Variants in LYRM4 observed in about 807,000 individuals in gnomAD.
LYRM4 encodes LYR motif containing 4.
Under a neutral mutation model 11.7 loss-of-function variants are expected in LYRM4, and 9 were observed. The observed-to-expected ratio is 0.77, with a 90% CI of 0.46 to 1.34. The LOEUF is 1.34. Among genes scored for constraint, LYRM4 ranks in the 40% most tolerant of loss-of-function variants. LYRM4 has a pLI of 0.00. For synonymous variants in LYRM4, 42 were observed against 40.4 expected, an observed-to-expected ratio of 1.04 and a Z score of -0.15; for missense variants, 133 against 112.5, an observed-to-expected ratio of 1.18 and a Z score of -0.82.
chr6:5,041,176 G>T, the LYRM4 span, among the ~76,000 whole-genome samples: 1 of 150,982 alleles, frequency 6.6e-6, no homozygotes, highest in Non-Finnish European at 1.5e-5. Context: ...AAAAAAAAAA[G>T]TTACACCTAG....
intron 2 of LYRM4, among the ~76,000 whole-genome samples, chr6:5,179,065 C>CAAAAAAAAAACAAAAAAAA (rs1759906477): frequency 1.9e-5 from 2 of 103,900 alleles, no homozygotes; most frequent in African/African-American, 8.0e-5. Context: ...ACCAAAAAAA[C>CAAAAAAAAAACAAAAAAAA]AAAAAAAAAA....
At chr6:5,254,035 T>C (rs1469839838) in intron 1 of LYRM4, among the ~76,000 whole-genome samples, 2 of 152,164 alleles carry the variant, frequency 1.3e-5, no homozygotes, top group Admixed American at 6.5e-5. Context: ...TCATGCTCAC[T>C]GTTTGGTTGT....
At chr6:5,105,069 A>G (rs1482314157), downstream of LYRM4, 1 of 152,160 alleles carries the variant, frequency 6.6e-6, no homozygotes, top group East Asian at 1.9e-4. Context: ...TGGCCCTGAG[A>G]AAGTAATACA....
At chr6:5,137,537 C>T (rs460416) in intron 2 of LYRM4, among the ~76,000 whole-genome samples, 112,926 of 152,098 alleles carry the variant, frequency 0.74, 42,356 homozygotes, top group East Asian at 0.93. Flanking sequence ...AATCTCACTG[C>T]ATTGATACTG....
intron 2 of LYRM4, among the ~76,000 whole-genome samples, chr6:5,119,725 G>A (rs1052048981): frequency 2.1e-5 from 3 of 141,562 alleles, no homozygotes; most frequent in East Asian, 4.6e-4. Flanking sequence ...GGAGGCAGAG[G>A]TTGCAGTGAG....
intron 2 of LYRM4, among the ~76,000 whole-genome samples, chr6:5,121,357 C>T (rs542088355): frequency 2.0e-5 from 3 of 152,080 alleles, no homozygotes; most frequent in Admixed American, 2.0e-4. Context: ...GGGTTTTATG[C>T]GTGATTTCTA....
At position 5,120,450 on chromosome 6, in the gene LYRM4, C is replaced by A. The variant is rs661578; in HGVS notation, c.208-10959G>T. On this transcript the variant is annotated intron_variant, in intron 2 of 2. Transcript: ENST00000330636. ...CAGGAATGAAGCCACAGACCTTTACCGTGAGTGTTACAACTCTTAAAGGTG... is the reference window on the plus strand; with the variant it reads ...CAGGAATGAAGCCACAGACCTTTACAGTGAGTGTTACAACTCTTAAAGGTG... Among the ~76,000 whole-genome samples, 555 of 152,056 alleles carry A rather than the reference C, an allele frequency of 3.6e-3. 3 individuals carry two copies. Among genetic ancestry groups the A allele is most frequent in the African/African-American group, 0.013 (526 of 41,464 alleles).
the LYRM4 span, among the ~76,000 whole-genome samples, chr6:5,084,273 C>T: frequency 1.5e-3 from 221 of 152,318 alleles, no homozygotes; most frequent in African/African-American, 5.0e-3. Context: ...CCCCCAATCC[C>T]TAGGTACCAC....
chr6:5,086,121 T>C, the LYRM4 span: 1 of 1,471,588 alleles, frequency 6.8e-7, no homozygotes, highest in Non-Finnish European at 8.9e-7. Flanking sequence ...CGGCCGAGCG[T>C]CTGCAGCGGC....
At chr6:5,193,505 T>C (rs1760882645) in intron 2 of LYRM4, among the ~76,000 whole-genome samples, 1 of 152,152 alleles carries the variant, frequency 6.6e-6, no homozygotes, top group Non-Finnish European at 1.5e-5. Context: ...AGGGATTCTG[T>C]GTGTTGTGTT....
At chr6:5,224,797 T>C (rs549867432) in intron 1 of LYRM4, among the ~76,000 whole-genome samples, 1 of 151,488 alleles carries the variant, frequency 6.6e-6, no homozygotes, top group East Asian at 1.9e-4. Flanking sequence ...CCATCTCTAC[T>C]AAAAATACAA....
In LYRM4 at chr6:5,214,692, T is replaced by TC. The variant is rs1344759272; in HGVS notation, c.207+1925_207+1926insG. 5.3e-5 allele frequency among the ~76,000 whole-genome samples: 8 copies of TC among 152,340 alleles called. No homozygotes were observed. The East Asian group carries it at 1.5e-3, about 29-fold the overall frequency. ...CATAGGCTGTTAGTCCAAAGGCAAC[T>TC]TACGCCAGCTTGCAGCCAGATGGCC... On this transcript the variant is annotated intron_variant, in intron 2 of 2. Coordinates refer to ENST00000330636, the MANE Select transcript of LYRM4 (RefSeq NM_020408.6).
At chr6:5,103,409 G>C (rs1762561947), downstream of LYRM4, 1 of 152,182 alleles carries the variant, frequency 6.6e-6, no homozygotes. Context: ...GCTTCATGGA[G>C]CTTCTGAATC....
intron 1 of LYRM4, among the ~76,000 whole-genome samples, chr6:5,225,500 A>G (rs994688049): frequency 1.3e-5 from 2 of 152,042 alleles, no homozygotes; most frequent in African/African-American, 4.8e-5. Flanking sequence ...TAATTTTTAA[A>G]TGAAAATCTA....
the LYRM4 span, chr6:5,084,700 C>G: frequency 6.6e-6 from 1 of 152,300 alleles, no homozygotes; most frequent in Middle Eastern, 3.2e-3. Context: ...GGGGCGGCGG[C>G]TCCTGCCTCC....
intron 2 of LYRM4, among the ~76,000 whole-genome samples, chr6:5,146,675 T>A (rs754029078): frequency 6.6e-6 from 1 of 152,142 alleles, no homozygotes; most frequent in Non-Finnish European, 1.5e-5. Context: ...ACCTGTCCAG[T>A]GAACAGCTTA....
At chr6:5,237,853 G>A (rs563501818) in intron 1 of LYRM4, among the ~76,000 whole-genome samples, 2 of 152,352 alleles carry the variant, frequency 1.3e-5, no homozygotes, top group South Asian at 4.1e-4. Flanking sequence ...TACTTATGCT[G>A]AGGATGCTGC....
chr6:5,229,003 CAAA>C (rs70974180), intron 1 of LYRM4, among the ~76,000 whole-genome samples: 54 of 37,978 alleles, frequency 1.4e-3, no homozygotes, highest in African/African-American at 6.1e-3. Context: ...GGCTCAGTCT[CAAA>C]AAAAAAAAAA....
chr6:5,238,717 G>A (rs547136502), intron 1 of LYRM4, among the ~76,000 whole-genome samples: 8 of 152,330 alleles, frequency 5.3e-5, no homozygotes, highest in African/African-American at 1.9e-4. Flanking sequence ...GTTTCTACAT[G>A]ATAGGAAACA....
Sources: gnomAD v4.1 joint callset for allele counts (sites outside exome capture counted in the v4.1 genomes callset) on GRCh38, gnomAD v4.1.1 for gene constraint, MANE v1.5 for transcripts, NCBI Gene and HGNC (gene_info 2026-07-23, HGNC 2026-07-21) for gene names.